The following OTUD4 variants were observed in gnomAD, a reference collection of about 807,000 sequenced individuals.
OTUD4 encodes the protein OTU domain-containing protein 4.
OTUD4 carries 24 observed loss-of-function variants against 130.4 expected under a neutral mutation model. The ratio of observed to expected loss-of-function variants is 0.18; its 90% CI spans 0.13 to 0.26. OTUD4 has a LOEUF of 0.26. Among genes scored for constraint, OTUD4 ranks in the 10% least tolerant of loss-of-function variants. The probability of loss-of-function intolerance (pLI) is 1.00; values close to 1 mark genes in which losing one functional copy is unlikely to be tolerated. For synonymous variants in OTUD4, 420 were observed against 472.5 expected (o/e 0.89, Z 1.44); for missense variants, 1,031 against 1,329.4 (o/e 0.78, Z 3.49).
chr4:145,161,912 G>T (rs1186451776), intron 6 of OTUD4, among the ~76,000 whole-genome samples: 2 of 152,102 alleles, frequency 1.3e-5, no homozygotes, highest in African/African-American at 4.8e-5. Flanking sequence ...AAAAAAAGTT[G>T]GTATTTACAA....
intron 19 of OTUD4, among the ~76,000 whole-genome samples, chr4:145,141,168 CAAAA>C (rs1200809073): frequency 3.6e-5 from 2 of 54,892 alleles, no homozygotes; most frequent in Non-Finnish European, 7.9e-5. Context: ...GACTCCGTCT[CAAAA>C]AAAAAAAAAA....
At position 145,156,399 on chromosome 4, in the gene OTUD4, A is replaced by G. The variant is rs559130176; in HGVS notation, c.630-403T>C. On this transcript the variant is annotated intron_variant, in intron 7 of 20. Coordinates refer to ENST00000447906, the MANE Select transcript of OTUD4 (RefSeq NM_001366057.1). The stretch of plus-strand genomic sequence containing the variant: ...AACCCTTTTATTAAAAATACTCTAC[A>G]TCAGCCGGCCATGGTGGCTCACGCC... 4.5e-4 allele frequency among the ~76,000 whole-genome samples: 69 copies of G among 152,330 alleles called. 1 individual carries two copies. The highest frequency in any genetic ancestry group is 1.9e-3 in the South Asian group (9 of 4,828).
At chr4:145,171,839 C>A in intron 2 of OTUD4, 119 bp from the exon 3 acceptor site, 1 of 657,046 alleles carries the variant, frequency 1.5e-6, no homozygotes, top group Non-Finnish European at 2.7e-6. Context: ...TAAAATACCT[C>A]AGTATTATTT....
chr4:145,140,263 C>A (rs1270840061), intron 19 of OTUD4, among the ~76,000 whole-genome samples: 1 of 152,108 alleles, frequency 6.6e-6, no homozygotes, highest in Non-Finnish European at 1.5e-5. Flanking sequence ...AAAACTGAAT[C>A]TGGGTAAAGG....
In OTUD4 at chr4:145,135,651, C is replaced by G. The variant is rs1301026557; in HGVS notation, c.*1779G>C. 1 of 152,608 alleles carries G rather than the reference C, an allele frequency of 6.6e-6. No homozygotes were observed. 9.5% of individuals were successfully genotyped at this position (152,608 alleles called of 1,614,324 possible). A position where few individuals can be genotyped will look rare whatever the true frequency, so the allele number is the denominator to read the frequency against. On this transcript the variant is annotated 3_prime_UTR_variant, in exon 21 of 21. Coordinates refer to ENST00000447906, the MANE Select transcript of OTUD4 (RefSeq NM_001366057.1). ...GACAACAAATTCCTTTCAATAGGTT[C>G]TCTCAAGAAAAGTTTTCCACACAAC...
rs548208622 is a variant in OTUD4 at position 145,155,151 on chromosome 4, C to T, written c.873+260G>A. On this transcript the variant is annotated intron_variant, in intron 10 of 20. Coordinates refer to ENST00000447906, the MANE Select transcript of OTUD4 (RefSeq NM_001366057.1). ...GAAATGTTATCATTACTTCTTTGAA[C>T]CAAGTAATACCAAAGGCTGAATTGT... Among the ~76,000 whole-genome samples the T allele has an allele frequency of 2.6e-5, 4 of 152,242 alleles. No homozygotes were observed. The East Asian group carries it at 7.7e-4, about 29-fold the overall frequency.
Position 145,138,036 on chromosome 4 carries a change from T to C in OTUD4, c.2739A>G (p.Pro913=). Residue 913 remains proline, a synonymous_variant, in exon 21 of 21, where the codon CCA becomes CCG. Transcript: ENST00000447906. ...CGSVSTVDEF[P]EARGEHVHSL... ...AATGTACATGTTCACCCCTGGCTTC[T>C]GGAAACTCATCTACTGTTGAAACTG... 2 of 1,614,248 alleles carry C rather than the reference T, an allele frequency of 1.2e-6. No homozygotes were observed. The highest frequency in any genetic ancestry group is 4.5e-5 in the East Asian group (2 of 44,870).
chr4:145,178,143 G>C (rs1299416125), intron 1 of OTUD4: 1 of 152,188 alleles, frequency 6.6e-6, no homozygotes, highest in Non-Finnish European at 1.5e-5. Context: ...GTAACAAAGA[G>C]TTCTTAGTGT....
Position 145,142,205 on chromosome 4 carries a change from C to G in OTUD4, c.1813G>C (p.Gly605Arg). The G allele has an allele frequency of 6.2e-7, 1 of 1,613,422 alleles. No homozygotes were observed. The highest frequency in any genetic ancestry group is 8.5e-7 in the Non-Finnish European group (1 of 1,179,692). ...TAAACCCTTCTCTAACCTGTTGGTC[C>G]AAAAGTTGTAGGTTCACTTGGCCAG... ...PAWPSEPTTF[G>R]PTGVPAPIPV... is the part of the protein sequence containing the mutation. Residue 605 changes from glycine (G) to arginine (R), a missense_variant, in exon 18 of 21, where the codon GGA (glycine) becomes CGA (arginine). This residue lies in a region of OTUD4 where 900 missense variants were observed against 1,095.9 expected (regional missense o/e 0.82). Transcript: ENST00000447906.
At chr4:145,150,038 T>C (rs1750994050) in intron 13 of OTUD4, among the ~76,000 whole-genome samples, 1 of 152,214 alleles carries the variant, frequency 6.6e-6, no homozygotes, top group Non-Finnish European at 1.5e-5. Context: ...ATATTTATAA[T>C]TTCACAGACC....
intron 16 of OTUD4, among the ~76,000 whole-genome samples, chr4:145,143,650 A>T (rs539351090): frequency 6.6e-6 from 1 of 152,244 alleles, no homozygotes; most frequent in African/African-American, 2.4e-5. Context: ...GGCAGTTTTC[A>T]CTGGAGGCAA....
intron 1 of OTUD4, among the ~76,000 whole-genome samples, chr4:145,175,299 T>G (rs778211085): frequency 9.2e-5 from 13 of 141,722 alleles, no homozygotes; most frequent in Admixed American, 2.9e-4. Context: ...ATCAAGCTTA[T>G]AAGACAAGAA....
chr4:145,143,761 C>T (rs1303926690), intron 16 of OTUD4, among the ~76,000 whole-genome samples, 185 bp downstream of exon 16: 2 of 152,142 alleles, frequency 1.3e-5, no homozygotes, highest in Non-Finnish European at 2.9e-5. Flanking sequence ...CCTAATGTAC[C>T]TTGAAGAAAC....
chr4:145,168,646 G>A (rs1265773718), intron 3 of OTUD4, among the ~76,000 whole-genome samples: 3 of 152,154 alleles, frequency 2.0e-5, no homozygotes, highest in Non-Finnish European at 2.9e-5. Flanking sequence ...AGAAATTCAA[G>A]TTAAATCACA....
intron 5 of OTUD4, among the ~76,000 whole-genome samples, chr4:145,163,662 A>G (rs1751695392): frequency 1.3e-5 from 2 of 152,010 alleles, no homozygotes; most frequent in Non-Finnish European, 1.5e-5. Context: ...GGGAGCAAAA[A>G]AAATACAAAA....
intron 13 of OTUD4, 90 bp downstream of exon 13, chr4:145,150,423 G>T: frequency 1.1e-6 from 1 of 886,008 alleles, no homozygotes; most frequent in Non-Finnish European, 1.8e-6. Flanking sequence ...TGAGTAAAAA[G>T]TTATAATTAT....
chr4:145,165,286 C>T (rs777148430), intron 3 of OTUD4, 89 bp from the exon 4 acceptor site: 25 of 768,106 alleles, frequency 3.3e-5, no homozygotes, highest in East Asian at 2.5e-4. Context: ...ATACAGCATA[C>T]GTAATGAGTT....
At chr4:145,146,490 A>AT (rs1750833297) in intron 13 of OTUD4, 61 bp from the exon 14 acceptor site, 5 of 1,037,462 alleles carry the variant, frequency 4.8e-6, no homozygotes, top group Admixed American at 3.6e-5. Context: ...AAATAAATAA[A>AT]ACATTCTTGT....
intron 14 of OTUD4, among the ~76,000 whole-genome samples, chr4:145,145,669 C>T (rs988374771): frequency 6.6e-6 from 1 of 152,192 alleles, no homozygotes; most frequent in Non-Finnish European, 1.5e-5. Flanking sequence ...AGGTACCCCT[C>T]CTCTGTGCTG....
Sources: allele counts gnomAD v4.1 joint callset (sites outside exome capture counted in the v4.1 genomes callset), GRCh38; gene constraint gnomAD v4.1.1; regional missense constraint gnomAD v4.1.1; transcripts MANE v1.5; gene names NCBI Gene and HGNC (gene_info 2026-07-23, HGNC 2026-07-21).